The following PCDH7 variants were observed in gnomAD, a reference collection of about 807,000 sequenced individuals.
The protein encoded by PCDH7 is protocadherin-7.
A neutral mutation model predicts 58.9 loss-of-function variants in PCDH7; 17 were observed. The ratio of observed to expected loss-of-function variants is 0.29; its 90% CI spans 0.20 to 0.43. The LOEUF (loss-of-function observed/expected upper bound fraction) is 0.43, where lower values mean the gene tolerates loss of function less well. Among genes scored for constraint, PCDH7 ranks in the 20% least tolerant of loss-of-function variants. The pLI is 1.00. For synonymous variants in PCDH7, 664 were observed against 616.4 expected (o/e 1.08, Z -1.14); for missense variants, 1,274 against 1,441.0 (o/e 0.88, Z 1.88).
At chr4:30,910,142 G>A (rs1055828816) in intron 1 of PCDH7, among the ~76,000 whole-genome samples, 9 of 152,040 alleles carry the variant, frequency 5.9e-5, no homozygotes, top group African/African-American at 2.2e-4. Context: ...ACTGAAACTG[G>A]ACCCCTTCCT....
chr4:31,105,704 A>G (rs1313539356), intron 3 of PCDH7, among the ~76,000 whole-genome samples: 1 of 152,190 alleles, frequency 6.6e-6, no homozygotes, highest in Non-Finnish European at 1.5e-5. Flanking sequence ...GAATGTAAGC[A>G]CAGCATAGAA....
In PCDH7 at chr4:30,848,674, T is replaced by C. The variant is rs1000295996; in HGVS notation, c.71-71479T>C. 3.3e-5 allele frequency among the ~76,000 whole-genome samples: 5 copies of C among 152,270 alleles called. No individual in the cohort carries two copies. The South Asian group carries it at 6.2e-4, about 19-fold the overall frequency. ...CAAATCATGCTTAAAGTTCAGTTTG[T>C]ATTCCAACAGTAGCATTTAAGACAG... On this transcript the variant is annotated intron_variant, in intron 1 of 3. Transcript: ENST00000509759.
intron 3 of PCDH7, among the ~76,000 whole-genome samples, chr4:30,956,699 G>A (rs10939323): frequency 1.3e-5 from 2 of 151,980 alleles, no homozygotes; most frequent in African/African-American, 2.4e-5. Flanking sequence ...TTGAAATCTC[G>A]TTAACTTTTT....
intron 2 of PCDH7, among the ~76,000 whole-genome samples, chr4:30,931,823 CTTTT>C (rs59504939): frequency 0.018 from 2,509 of 140,236 alleles, 64 homozygotes; most frequent in African/African-American, 0.056. Flanking sequence ...TTTTTCAGGA[CTTTT>C]TTTTTTTTTT....
At chr4:30,949,222 T>C (rs1747075977) in intron 2 of PCDH7, among the ~76,000 whole-genome samples, 2 of 152,180 alleles carry the variant, frequency 1.3e-5, no homozygotes, top group African/African-American at 4.8e-5. Context: ...CTTCACTGTG[T>C]ATAAAAGCTT....
intron 2 of PCDH7, among the ~76,000 whole-genome samples, chr4:30,942,372 T>C (rs980783834): frequency 6.6e-6 from 1 of 152,032 alleles, no homozygotes; most frequent in African/African-American, 2.4e-5. Context: ...AAATTCTTTA[T>C]AGAGCCTTGA....
chr4:31,060,009 GC>G (rs2109236148), intron 3 of PCDH7, among the ~76,000 whole-genome samples: 1 of 151,786 alleles, frequency 6.6e-6, no homozygotes, highest in South Asian at 2.1e-4. Flanking sequence ...TATGATGCCA[GC>G]TTTTCTTTGT....
intron 2 of PCDH7, among the ~76,000 whole-genome samples, chr4:30,922,420 G>A (rs1743298631): frequency 6.6e-6 from 1 of 151,640 alleles, no homozygotes; most frequent in African/African-American, 2.4e-5. Flanking sequence ...TGCACCACTG[G>A]CATTATAATC....
Position 31,114,632 on chromosome 4 carries a change from A to AACACACACAC in PCDH7, c.*8-27814_*8-27805dup, listed in dbSNP as rs34203962. On this transcript the variant is annotated intron_variant, in intron 3 of 3. Coordinates refer to the PCDH7 transcript ENST00000509759. Reference sequence around the variant, plus strand: ...CACCATGCACACACTCACACATACAAACACACACACACACACACACACACA... The same window carrying AACACACACAC: ...CACCATGCACACACTCACACATACAAACACACACACACACACACACACACACACACACACA... Among the ~76,000 whole-genome samples the AACACACACAC allele has an allele frequency of 7.8e-3, 1,118 of 143,672 alleles. 9 individuals are homozygous for AACACACACAC. The highest frequency in any genetic ancestry group is 0.022 in the African/African-American group (851 of 38,500). The allele number at this position is 143,672 out of a possible 152,430, so 94.3% of individuals were successfully genotyped here. A position where few individuals can be genotyped will look rare whatever the true frequency, so the allele number is the denominator to read the frequency against.
chr4:31,125,079 T>C (rs968419547), intron 3 of PCDH7, among the ~76,000 whole-genome samples: 9 of 152,210 alleles, frequency 5.9e-5, no homozygotes, highest in African/African-American at 2.2e-4. Context: ...AACCTGTTTT[T>C]TTTAGCTGAA....
intron 3 of PCDH7, among the ~76,000 whole-genome samples, chr4:30,968,402 A>G (rs1399960973): frequency 1.9e-5 from 1 of 52,484 alleles, no homozygotes; most frequent in African/African-American, 1.2e-4. Context: ...ATATATATAT[A>G]TATATATATA....
intron 1 of PCDH7, among the ~76,000 whole-genome samples, chr4:30,866,072 T>C (rs893375057): frequency 6.6e-6 from 1 of 152,124 alleles, no homozygotes; most frequent in Non-Finnish European, 1.5e-5. Context: ...TCCACTCCTG[T>C]CTTTTTAAAG....
chr4:31,040,142 T>C (rs1755732775), intron 3 of PCDH7, among the ~76,000 whole-genome samples: 1 of 152,212 alleles, frequency 6.6e-6, no homozygotes, highest in Non-Finnish European at 1.5e-5. Context: ...TTTCGATGTA[T>C]ACTGCAGTGT....
intron 3 of PCDH7, among the ~76,000 whole-genome samples, chr4:31,050,556 C>G (rs1756653427): frequency 6.6e-6 from 1 of 152,012 alleles, no homozygotes; most frequent in Non-Finnish European, 1.5e-5. Context: ...TGTGATTGCC[C>G]TTGTTCAAGT....
At chr4:31,072,802 G>C (rs1275024551) in intron 3 of PCDH7, among the ~76,000 whole-genome samples, 1 of 152,108 alleles carries the variant, frequency 6.6e-6, no homozygotes, top group East Asian at 1.9e-4. Flanking sequence ...GCAATGGGTT[G>C]TAAGAACTCA....
chr4:30,872,138 G>A (rs954663459), intron 1 of PCDH7, among the ~76,000 whole-genome samples: 2 of 151,986 alleles, frequency 1.3e-5, no homozygotes, highest in Non-Finnish European at 2.9e-5. Context: ...GATAAATTGG[G>A]TTCCTCTGTT....
intron 1 of PCDH7, among the ~76,000 whole-genome samples, chr4:30,781,476 A>G (rs1466144674): frequency 6.7e-6 from 1 of 149,586 alleles, no homozygotes; most frequent in Non-Finnish European, 1.5e-5. Context: ...AATCATTTAT[A>G]CTCTGAAGTC....
Position 30,903,360 on chromosome 4 carries a change from A to G in PCDH7, c.71-16793A>G, listed in dbSNP as rs529508888. On this transcript the variant is annotated intron_variant, in intron 1 of 3. Coordinates refer to the PCDH7 transcript ENST00000509759. ...GGATTCAATAACTCTCTCCAGTGAAAATTAGGCCAATCCTGAAAATAAAGA... is the reference window on the plus strand; with the variant it reads ...GGATTCAATAACTCTCTCCAGTGAAGATTAGGCCAATCCTGAAAATAAAGA... Among the ~76,000 whole-genome samples the G allele has an allele frequency of 4.5e-4, 68 of 152,176 alleles. No homozygotes were observed. In the South Asian group the frequency reaches 8.9e-3, roughly 20 times the overall value.
intron 2 of PCDH7, among the ~76,000 whole-genome samples, chr4:30,924,827 AG>A (rs756645157): frequency 2.6e-5 from 4 of 151,408 alleles, no homozygotes; most frequent in Non-Finnish European, 5.9e-5. Flanking sequence ...GAAAAAAAAA[AG>A]GTAGGAAATA....
Sources: gnomAD v4.1 joint callset for allele counts (sites outside exome capture counted in the v4.1 genomes callset) on GRCh38, gnomAD v4.1.1 for gene constraint, MANE v1.5 for transcripts, NCBI Gene and HGNC (gene_info 2026-07-23, HGNC 2026-07-21) for gene names.